SETD2: variants seen among roughly 807,000 people sequenced by gnomAD.
SETD2 encodes the protein histone-lysine N-methyltransferase SETD2.
In SETD2, 31 loss-of-function variants were observed where a neutral mutation model predicts 242.1. The ratio of observed to expected loss-of-function variants is 0.13; its 90% CI spans 0.10 to 0.17. The LOEUF (loss-of-function observed/expected upper bound fraction) is 0.17. Ranked by LOEUF, SETD2 falls within the 10% of genes least tolerant of loss-of-function variation. The pLI, the probability that SETD2 is intolerant of heterozygous loss-of-function variation, is 1.00. For synonymous variants in SETD2, 1,006 were observed against 1,066.5 expected, an observed-to-expected ratio of 0.94 and a Z score of 1.11; for missense variants, 2,481 against 3,046.3, an observed-to-expected ratio of 0.81 and a Z score of 4.37.
intron 12 of SETD2, among the ~76,000 whole-genome samples, chr3:47,071,569 C>T (rs867443667): frequency 6.6e-6 from 1 of 151,768 alleles, no homozygotes; most frequent in Non-Finnish European, 1.5e-5. Context: ...GATAAATATA[C>T]ATTTGAAATT....
At chr3:47,091,357 G>A (rs1177240266) in intron 9 of SETD2, among the ~76,000 whole-genome samples, 2 of 152,198 alleles carry the variant, frequency 1.3e-5, no homozygotes, top group African/African-American at 4.8e-5. Flanking sequence ...GCCAGACACA[G>A]TGGCTCACAC....
chr3:47,054,915 G>C (rs564164097), intron 15 of SETD2, among the ~76,000 whole-genome samples: 1 of 152,102 alleles, frequency 6.6e-6, no homozygotes, highest in South Asian at 2.1e-4. Flanking sequence ...TAAATAATTT[G>C]AAAAAGTGGT....
chr3:47,161,130 G>A (rs1697478401), intron 1 of SETD2, among the ~76,000 whole-genome samples: 1 of 152,120 alleles, frequency 6.6e-6, no homozygotes, highest in Admixed American at 6.6e-5. Context: ...GAGCCATGTT[G>A]CCCACCTAGT....
rs539213686 is a variant in SETD2, at chr3:47,083,556, G to A, written c.6060+164C>T. On this transcript the variant is annotated intron_variant, in intron 12 of 20. Transcript: ENST00000409792. ...GTTTGGCTAATATGACTCTTGCCAC[G>A]GTTTAGAGGATGTTTGAGACACTTA... Among the ~76,000 whole-genome samples, 6 of 152,240 alleles carry A rather than the reference G, an allele frequency of 3.9e-5. No individual in the cohort carries two copies. In the South Asian group the frequency reaches 6.2e-4, roughly 16 times the overall value.
chr3:47,097,506 T>G (rs2042053491), intron 9 of SETD2, among the ~76,000 whole-genome samples: 1 of 152,168 alleles, frequency 6.6e-6, no homozygotes, highest in South Asian at 2.1e-4. Context: ...AAAAAGAGCA[T>G]CTGTGACTAC....
At position 47,123,310 on chromosome 3, in the gene SETD2, C is replaced by T. The variant is rs1248242508; in HGVS notation, c.1326G>A (p.Glu442=). Residue 442 remains glutamate, a synonymous_variant, in exon 3 of 21, where the codon GAG becomes GAA. Transcript: ENST00000409792. The part of the protein sequence containing the change: ...RRYHRSSPYR[E]RTRYSRPYTD... ...TGTATGGCCGAGAATAGCGCGTCCT[C>T]TCTCGATAAGGGGAGCTCCTATGGT... is the stretch of plus-strand genomic sequence containing the variant. 4 of 1,551,738 alleles carry T rather than the reference C, an allele frequency of 2.6e-6. No individual in the cohort carries two copies. In the South Asian group the frequency reaches 4.8e-5, roughly 18 times the overall value.
At chr3:47,160,333 C>A (rs1264360842) in intron 1 of SETD2, among the ~76,000 whole-genome samples, 2 of 151,864 alleles carry the variant, frequency 1.3e-5, no homozygotes, top group African/African-American at 2.4e-5. Flanking sequence ...ATGGAATCTC[C>A]TTCTGTCCCC....
intron 1 of SETD2, among the ~76,000 whole-genome samples, chr3:47,138,917 A>C (rs2106785527): frequency 6.6e-6 from 1 of 152,260 alleles, no homozygotes; most frequent in Non-Finnish European, 1.5e-5. Context: ...GTCTCTTTTA[A>C]GTTCAAATCT....
chr3:47,164,212 C>T (rs895458348), upstream of SETD2, among the ~76,000 whole-genome samples: 2 of 152,224 alleles, frequency 1.3e-5, no homozygotes, highest in Admixed American at 6.5e-5. This position sits in a 1 kb window ranked among gnomAD's most constrained non-coding sequence, Gnocchi z 5.4. Context: ...ACCGATCTGC[C>T]GCCAGTCGGC....
Position 47,075,586 on chromosome 3 carries a change from A to G in SETD2, c.6060+8134T>C, listed in dbSNP as rs866324270. Reference sequence around the variant, plus strand: ...TCTCAAAAAAAAAAAAAAAAAAAAAAAAGAAGAATCTAAAAAGTATTTGCC... The same window carrying G: ...TCTCAAAAAAAAAAAAAAAAAAAAAGAAGAAGAATCTAAAAAGTATTTGCC... On this transcript the variant is annotated intron_variant, in intron 12 of 20. Coordinates refer to ENST00000409792, the MANE Select transcript of SETD2 (RefSeq NM_014159.7). Among the ~76,000 whole-genome samples, 1,410 of 146,710 alleles carry G rather than the reference A, an allele frequency of 9.6e-3. 24 individuals are homozygous for G. The highest frequency in any genetic ancestry group is 0.033 in the African/African-American group (1,289 of 39,262).
intron 18 of SETD2, 42 bp from the exon 19 acceptor site, chr3:47,019,882 G>T: frequency 6.6e-7 from 1 of 1,523,546 alleles, no homozygotes; most frequent in Non-Finnish European, 9.1e-7. Flanking sequence ...GGCATGAGAA[G>T]TCAGTTTAGT....
intron 1 of SETD2, chr3:47,157,510 A>G: frequency 2.2e-6 from 1 of 456,092 alleles, no homozygotes; most frequent in South Asian, 1.5e-5. Context: ...CAAATTTGCC[A>G]TACTTTCACA....
rs752671469 is a variant in SETD2, at chr3:47,042,603, C to T, written c.7196G>A (p.Arg2399Gln). The T allele has an allele frequency of 3.1e-6, 5 of 1,613,992 alleles. No homozygotes were observed. In the South Asian group the frequency reaches 3.3e-5, roughly 11 times the overall value. Residue 2399 changes from arginine to glutamine, a missense_variant, in exon 17 of 21, where the codon CGA becomes CAA. Physicochemically the swap from Arg to Gln is conservative, Grantham distance 43. Around this residue, in one of 17 missense-constraint regions of SETD2, gnomAD observed 235 missense variants for 293.9 expected, o/e 0.80. Coordinates refer to ENST00000409792, the MANE Select transcript of SETD2 (RefSeq NM_014159.7). ...IVLPPNWKTA[R>Q]DPEGKIYYYH... is the part of the protein sequence containing the mutation. Reference sequence around the variant, plus strand: ...GTAATAAATCTTCCCTTCTGGATCTCGAGCTGTCTTCCAGTTGGGAGGTAA... The same window carrying T: ...GTAATAAATCTTCCCTTCTGGATCTTGAGCTGTCTTCCAGTTGGGAGGTAA...
In SETD2 at chr3:47,123,540, G is replaced by A. The variant is rs1382740465; in HGVS notation, c.1096C>T (p.Pro366Ser). Residue 366 changes from proline (P) to serine (S), a missense_variant, in exon 3 of 21, where the codon CCT becomes TCT. Pro to Ser is a moderately conservative substitution (Grantham distance 74, BLOSUM62 -1). Coordinates refer to ENST00000409792, the MANE Select transcript of SETD2 (RefSeq NM_014159.7). ...TCTCTGTCTGTTTTAGATCGTGAAG[G>A]TTTCCCTAGATCCTCACTTTTTAAA... is the stretch of plus-strand genomic sequence containing the variant. ...APLKSEDLGK[P>S]SRSKTDRDDK... The A allele has an allele frequency of 1.3e-6, 2 of 1,550,370 alleles. No homozygotes were observed. Among genetic ancestry groups the A allele is most frequent in the African/African-American group, 1.4e-5 (1 of 73,030 alleles).
chr3:47,164,137 C>G (rs1188784084), upstream of SETD2, among the ~76,000 whole-genome samples: 2 of 152,092 alleles, frequency 1.3e-5, no homozygotes, highest in African/African-American at 2.4e-5. The surrounding 1 kb of genome is among the most constrained non-coding windows in gnomAD (Gnocchi z 5.4). Flanking sequence ...ACACCGGGAG[C>G]GACGCACACC....
rs145911577 is a variant in SETD2, at chr3:47,027,336, C to CAAAAAAA, written c.7351-7503_7351-7497dup. 6.3e-4 allele frequency among the ~76,000 whole-genome samples: 65 copies of CAAAAAAA among 103,720 alleles called. 3 individuals are homozygous for CAAAAAAA. Among genetic ancestry groups the CAAAAAAA allele is most frequent in the Non-Finnish European group, 8.2e-4 (47 of 57,282 alleles). 68.0% of individuals were successfully genotyped at this position (103,720 alleles called of 152,430 possible). On this transcript the variant is annotated intron_variant, in intron 18 of 20. Transcript: ENST00000409792. ...TGGGCGACAGAGCGAGACTCCATCT[C>CAAAAAAA]AAAAAAAAAAAAAAAAAAAAAAAAA...
At position 47,017,610 on chromosome 3, in the gene SETD2, G is replaced by T; in HGVS notation, c.7533+28C>A. The T allele has an allele frequency of 6.8e-7, 1 of 1,475,082 alleles. No homozygotes were observed. The highest frequency in any genetic ancestry group is 9.5e-7 in the Non-Finnish European group (1 of 1,053,440). The allele number at this position is 1,475,082 out of a possible 1,614,324, so 91.4% of individuals were successfully genotyped here. A position where few individuals can be genotyped will look rare whatever the true frequency, so the allele number is the denominator to read the frequency against. ...ACACAGTTTGCCCAGAACATTGCCT[G>T]GTGGGCTACCAAAAGCAAGGGGAGT... On this transcript the variant is annotated intron_variant, in intron 20 of 20. Transcript: ENST00000409792. This position sits in a 1 kb window ranked among gnomAD's most constrained non-coding sequence, Gnocchi z 4.8.
intron 12 of SETD2, among the ~76,000 whole-genome samples, chr3:47,082,977 C>T (rs2041380787): frequency 6.6e-6 from 1 of 152,160 alleles, no homozygotes; most frequent in South Asian, 2.1e-4. Flanking sequence ...AACCTGTTCC[C>T]ACAGGGTCCT....
chr3:47,031,514 TC>T (rs756102662), intron 18 of SETD2, among the ~76,000 whole-genome samples: 38 of 152,266 alleles, frequency 2.5e-4, no homozygotes, highest in Admixed American at 2.5e-3. Context: ...CAACAGTAGA[TC>T]TGAAATACTA....
Sources: allele counts gnomAD v4.1 joint callset (sites outside exome capture counted in the v4.1 genomes callset), GRCh38; gene constraint gnomAD v4.1.1; regional missense constraint gnomAD v4.1.1; non-coding constraint Gnocchi (gnomAD v3.1); transcripts MANE v1.5; gene names NCBI Gene and HGNC (gene_info 2026-07-23, HGNC 2026-07-21).